C12orf56: variants seen among roughly 807,000 people sequenced by gnomAD.
The protein encoded by C12orf56 is uncharacterized protein C12orf56.
Under a neutral mutation model 69.9 loss-of-function variants are expected in C12orf56, and 71 were observed. The observed-to-expected ratio is 1.02, with a 90% CI of 0.84 to 1.24. The LOEUF (loss-of-function observed/expected upper bound fraction) is 1.24, where lower values mean the gene tolerates loss of function less well. Among genes scored for constraint, C12orf56 ranks in the 50% most tolerant of loss-of-function variants. The pLI is 0.00. For missense variants in C12orf56, 732 were observed against 738.5 expected, an observed-to-expected ratio of 0.99 and a Z score of 0.10; for synonymous variants, 276 against 274.1, an observed-to-expected ratio of 1.01 and a Z score of -0.07.
At chr12:64,385,780 A>G (rs1016663199) in intron 1 of C12orf56, among the ~76,000 whole-genome samples, 1 of 152,092 alleles carries the variant, frequency 6.6e-6, no homozygotes, top group Non-Finnish European at 1.5e-5. Flanking sequence ...GCCTGATCTG[A>G]GTAATAATAA....
intron 5 of C12orf56, among the ~76,000 whole-genome samples, chr12:64,307,368 CTTTTTT>C (rs748644044): frequency 3.5e-5 from 4 of 115,248 alleles, no homozygotes; most frequent in African/African-American, 1.3e-4. Context: ...ATAGTCAGTC[CTTTTTT>C]TTTTTTTTTT....
intron 1 of C12orf56, among the ~76,000 whole-genome samples, chr12:64,363,755 T>A (rs892324635): frequency 2.0e-5 from 3 of 152,204 alleles, no homozygotes; most frequent in Non-Finnish European, 4.4e-5. Context: ...TGACAGATCA[T>A]GATGCGGTCG....
chr12:64,294,723 G>C (rs1327388939), intron 6 of C12orf56, among the ~76,000 whole-genome samples: 1 of 152,118 alleles, frequency 6.6e-6, no homozygotes, highest in Admixed American at 6.6e-5. Flanking sequence ...TTAATGGGTA[G>C]AGAGTTTCAG....
chr12:64,316,573 T>C (rs2038694604), intron 4 of C12orf56, among the ~76,000 whole-genome samples: 1 of 152,100 alleles, frequency 6.6e-6, no homozygotes, highest in Non-Finnish European at 1.5e-5. Context: ...TTTTCAATGA[T>C]AGTGTCTACC....
Position 64,267,289 on chromosome 12 carries a change from C to T in C12orf56, c.1764-1G>A, listed in dbSNP as rs963970718. 1.2e-6 allele frequency: 2 copies of T among 1,600,532 alleles called. No homozygotes were observed. Among genetic ancestry groups the T allele is most frequent in the South Asian group, 1.1e-5 (1 of 88,472 alleles). On this transcript the variant is annotated splice_acceptor_variant, in intron 12 of 12. Transcript: ENST00000543942. LOFTEE classifies it high-confidence loss of function. The stretch of plus-strand genomic sequence containing the variant: ...CAAGGCTGGCATGTGAATAAAGTAC[C>T]TGCAAATCATAAAAAGAAACAAAAT...
chr12:64,307,724 G>A (rs1238864219), intron 5 of C12orf56, among the ~76,000 whole-genome samples: 2 of 152,130 alleles, frequency 1.3e-5, no homozygotes, highest in Non-Finnish European at 2.9e-5. Context: ...TTTTACAGCT[G>A]GGCGTGGTGG....
intron 1 of C12orf56, among the ~76,000 whole-genome samples, chr12:64,371,099 A>T (rs1329744615): frequency 6.6e-6 from 1 of 152,230 alleles, no homozygotes; most frequent in Admixed American, 6.5e-5. Context: ...CAACAAGGAT[A>T]TGTTGGAAAA....
intron 2 of C12orf56, among the ~76,000 whole-genome samples, chr12:64,342,674 C>T (rs2039090285): frequency 6.6e-6 from 1 of 152,174 alleles, no homozygotes; most frequent in Non-Finnish European, 1.5e-5. Context: ...TCAGAAAGCA[C>T]CCAGTTCATG....
At chr12:64,368,179 T>G (rs2039524178) in intron 1 of C12orf56, among the ~76,000 whole-genome samples, 1 of 152,064 alleles carries the variant, frequency 6.6e-6, no homozygotes. Flanking sequence ...TCATGGCTAC[T>G]GCAGCCTCAA....
intron 12 of C12orf56, 63 bp from the exon 13 acceptor site, chr12:64,267,351 CTT>C (rs1232266854): frequency 3.2e-6 from 4 of 1,268,954 alleles, no homozygotes; most frequent in Non-Finnish European, 2.2e-6. Flanking sequence ...ACATTGGTCA[CTT>C]GAGTACATTC....
chr12:64,371,387 G>C (rs1016455544), intron 1 of C12orf56, among the ~76,000 whole-genome samples: 6 of 152,076 alleles, frequency 3.9e-5, no homozygotes, highest in Non-Finnish European at 8.8e-5. Context: ...GACAGAGTGA[G>C]ACCCTGTCTC....
intron 6 of C12orf56, among the ~76,000 whole-genome samples, chr12:64,294,377 T>A (rs1224895587): frequency 6.6e-6 from 1 of 152,164 alleles, no homozygotes; most frequent in Non-Finnish European, 1.5e-5. Flanking sequence ...AAGAGATATC[T>A]TGCATACCAA....
chr12:64,385,053 CAA>C (rs749200010), intron 1 of C12orf56, among the ~76,000 whole-genome samples: 1,030 of 66,398 alleles, frequency 0.016, 15 homozygotes, highest in African/African-American at 0.051. Context: ...GACTCCTGCT[CAA>C]AAAAAAAAAA....
At chr12:64,286,161 G>C in intron 6 of C12orf56, 101 bp from the exon 7 acceptor site, 1 of 744,646 alleles carries the variant, frequency 1.3e-6, no homozygotes, top group South Asian at 1.9e-5. Flanking sequence ...TTTGTTCTTT[G>C]ATTAGAGAAG....
chr12:64,388,462 C>T (rs539618090), intron 1 of C12orf56, among the ~76,000 whole-genome samples: 12 of 152,084 alleles, frequency 7.9e-5, no homozygotes, highest in Non-Finnish European at 1.5e-4. Context: ...ACCTAAGTCT[C>T]CAACTCCTAG....
In C12orf56 at chr12:64,387,382, T is replaced by C. The variant is rs535282766; in HGVS notation, c.252+2932A>G. On this transcript the variant is annotated intron_variant, in intron 1 of 12. Transcript: ENST00000543942. ...ATTTGTTCAGTACATTTATAGCCAT[T>C]ACACATTCTTTATGCCTGAAAGGTA... is the stretch of plus-strand genomic sequence containing the variant. 2.6e-5 allele frequency among the ~76,000 whole-genome samples: 4 copies of C among 152,332 alleles called. No individual in the cohort carries two copies. In the East Asian group the frequency reaches 7.7e-4, roughly 29 times the overall value.
At chr12:64,316,424 T>C (rs2038692229) in intron 4 of C12orf56, among the ~76,000 whole-genome samples, 1 of 152,106 alleles carries the variant, frequency 6.6e-6, no homozygotes, top group Non-Finnish European at 1.5e-5. Flanking sequence ...AGATGGAGTC[T>C]TGCTTATTGC....
At chr12:64,377,193 CTT>C (rs751240899) in intron 1 of C12orf56, among the ~76,000 whole-genome samples, 192 of 128,196 alleles carry the variant, frequency 1.5e-3, no homozygotes, top group Middle Eastern at 4.7e-3. Context: ...CCTTTGCCCA[CTT>C]TTTTTTTTTT....
chr12:64,356,501 C>G (rs1196937519), intron 1 of C12orf56, among the ~76,000 whole-genome samples: 1 of 152,158 alleles, frequency 6.6e-6, no homozygotes, highest in Non-Finnish European at 1.5e-5. Context: ...TGTCATTCCC[C>G]TGTTGGCTAG....
Sources: allele counts gnomAD v4.1 joint callset (sites outside exome capture counted in the v4.1 genomes callset), GRCh38; gene constraint gnomAD v4.1.1; transcripts MANE v1.5; gene names NCBI Gene and HGNC (gene_info 2026-07-23, HGNC 2026-07-21).